The following SHANK2 variants were observed in gnomAD, a reference collection of about 807,000 sequenced individuals.
SHANK2 encodes the protein SH3 and multiple ankyrin repeat domains 2, also known as SH3 and multiple ankyrin repeat domains protein 2.
SHANK2 carries 43 observed loss-of-function variants against 133.7 expected under a neutral mutation model. That is an observed-to-expected ratio of 0.32 (90% CI 0.25 to 0.41). The LOEUF is 0.41. SHANK2 is among the 10% of genes least tolerant of loss of function. SHANK2 has a pLI of 1.00. For missense variants in SHANK2, 1,994 were observed against 2,235.8 expected, an observed-to-expected ratio of 0.89 and a Z score of 2.18; for synonymous variants, 1,017 against 952.8, an observed-to-expected ratio of 1.07 and a Z score of -1.24.
Position 70,698,681 on chromosome 11 carries a change from G to A in SHANK2, c.1853+7C>T, listed in dbSNP as rs527777983. 1.8e-5 allele frequency: 13 copies of A among 718,638 alleles called. No homozygotes were observed. The highest frequency in any genetic ancestry group is 7.0e-5 in the African/African-American group (4 of 57,410). The allele number at this position is 718,638 out of a possible 1,614,324, so 44.5% of individuals were successfully genotyped here. On this transcript the variant is annotated splice_region_variant and intron_variant, in intron 15 of 25. Coordinates refer to ENST00000601538, the MANE Select transcript of SHANK2 (RefSeq NM_012309.5). ...AGGGTCCTGGAAGAGAAAGCAGCGCGTCTTACCTGGAAGTGTCGAAGCTGT... is the reference window on the plus strand; with the variant it reads ...AGGGTCCTGGAAGAGAAAGCAGCGCATCTTACCTGGAAGTGTCGAAGCTGT...
At chr11:71,140,533 T>A (rs1444087743) in intron 3 of SHANK2, among the ~76,000 whole-genome samples, 1 of 152,210 alleles carries the variant, frequency 6.6e-6, no homozygotes, top group East Asian at 1.9e-4. Context: ...CCAGTGCCGA[T>A]GGAGGACCTC....
At chr11:71,090,263 C>CTGTGTG (rs1165771011) in intron 8 of SHANK2, among the ~76,000 whole-genome samples, 3 of 36,818 alleles carry the variant, frequency 8.1e-5, no homozygotes, top group African/African-American at 1.3e-4. Flanking sequence ...AACACAACCT[C>CTGTGTG]TGTGTGTGTG....
intron 17 of SHANK2, among the ~76,000 whole-genome samples, chr11:70,528,330 A>G (rs549386562): frequency 6.6e-6 from 1 of 152,246 alleles, no homozygotes; most frequent in East Asian, 1.9e-4. Context: ...GCAGGGATGC[A>G]GCCTCCTGGG....
chr11:70,782,998 G>C (rs1947542077), intron 14 of SHANK2, among the ~76,000 whole-genome samples: 1 of 152,130 alleles, frequency 6.6e-6, no homozygotes, highest in Non-Finnish European at 1.5e-5. Context: ...AAGTCACGAA[G>C]CTGGGGTCCC....
intron 11 of SHANK2, among the ~76,000 whole-genome samples, chr11:70,828,216 A>G (rs1948674999): frequency 1.3e-5 from 2 of 152,300 alleles, no homozygotes; most frequent in African/African-American, 4.8e-5. Context: ...TAGAAGTTCA[A>G]TGCTCCAATG....
At chr11:70,817,201 C>T (rs1948417562) in intron 12 of SHANK2, among the ~76,000 whole-genome samples, 1 of 152,188 alleles carries the variant, frequency 6.6e-6, no homozygotes, top group African/African-American at 2.4e-5. Flanking sequence ...CCACTGCTGT[C>T]CCATAGGAGG....
intron 2 of SHANK2, among the ~76,000 whole-genome samples, chr11:71,154,355 G>T (rs572699532): frequency 1.3e-5 from 2 of 152,346 alleles, no homozygotes; most frequent in East Asian, 3.9e-4. Flanking sequence ...CATAGACATA[G>T]GGCTGAGAGC....
chr11:71,129,983 G>A (rs543069948), intron 3 of SHANK2, among the ~76,000 whole-genome samples: 15 of 152,262 alleles, frequency 9.9e-5, no homozygotes, highest in East Asian at 3.9e-4. Context: ...GCTTGCAGAC[G>A]GCCACCTTCT....
At chr11:70,755,801 G>T (rs967210074) in intron 14 of SHANK2, among the ~76,000 whole-genome samples, 1 of 152,246 alleles carries the variant, frequency 6.6e-6, no homozygotes, top group Admixed American at 6.5e-5. Context: ...TTCCTGGAAC[G>T]CCGCGGCTTC....
chr11:70,697,019 T>C (rs1945407200), intron 15 of SHANK2, among the ~76,000 whole-genome samples: 1 of 152,236 alleles, frequency 6.6e-6, no homozygotes, highest in Non-Finnish European at 1.5e-5. Flanking sequence ...CACAGAAAGA[T>C]GAATACTTCG....
At chr11:70,829,801 G>C (rs1407297264) in intron 11 of SHANK2, among the ~76,000 whole-genome samples, 2 of 152,188 alleles carry the variant, frequency 1.3e-5, no homozygotes, top group East Asian at 3.9e-4. Flanking sequence ...GGCTCCATCA[G>C]TCTCATGCAC....
At chr11:70,614,710 T>C (rs1165641516) in intron 17 of SHANK2, among the ~76,000 whole-genome samples, 1 of 152,248 alleles carries the variant, frequency 6.6e-6, no homozygotes, top group Non-Finnish European at 1.5e-5. Context: ...AGTGACCAAA[T>C]AGGCCTTGGG....
At chr11:70,764,336 T>C (rs1217120632) in intron 14 of SHANK2, among the ~76,000 whole-genome samples, 1 of 145,640 alleles carries the variant, frequency 6.9e-6, no homozygotes, top group Non-Finnish European at 1.5e-5. Flanking sequence ...TCTATCCATC[T>C]ATACATTCAC....
At chr11:71,221,201 T>C (rs1954530866) in intron 2 of SHANK2, among the ~76,000 whole-genome samples, 1 of 145,262 alleles carries the variant, frequency 6.9e-6, no homozygotes. Context: ...TGAGACTCCA[T>C]CTCAAAAAAA....
chr11:70,521,458 A>C (rs2059329104), intron 17 of SHANK2, among the ~76,000 whole-genome samples: 1 of 152,132 alleles, frequency 6.6e-6, no homozygotes, highest in Non-Finnish European at 1.5e-5. Context: ...TGAAATTTTG[A>C]CTGTTTTACA....
At chr11:70,663,150 C>T (rs1944607020) in intron 15 of SHANK2, among the ~76,000 whole-genome samples, 1 of 152,170 alleles carries the variant, frequency 6.6e-6, no homozygotes, top group African/African-American at 2.4e-5. Context: ...AGGCCCCCGT[C>T]GCACAGGGGC....
intron 8 of SHANK2, among the ~76,000 whole-genome samples, chr11:71,084,406 T>C (rs1216617743): frequency 1.3e-5 from 2 of 152,146 alleles, no homozygotes; most frequent in Non-Finnish European, 2.9e-5. Flanking sequence ...TTAGGCCATG[T>C]GCACCTGGCC....
chr11:70,661,680 T>C lies in SHANK2; in HGVS notation c.1854-2A>G. The C allele has an allele frequency of 6.2e-7, 1 of 1,614,166 alleles. No individual in the cohort carries two copies. Among genetic ancestry groups the C allele is most frequent in the Non-Finnish European group, 8.5e-7 (1 of 1,180,040 alleles). On this transcript the variant is annotated splice_acceptor_variant, in intron 15 of 25. Coordinates refer to ENST00000601538, the MANE Select transcript of SHANK2 (RefSeq NM_012309.5). LOFTEE classifies it high-confidence loss of function. ...GTCTTCTCCTCAATAATGCAGTCAC[T>C]GTAGAGAGAATTCCGGGGACAGCGA...
chr11:70,565,164 T>A (rs1591586729), intron 17 of SHANK2, among the ~76,000 whole-genome samples: 1 of 152,166 alleles, frequency 6.6e-6, no homozygotes, highest in South Asian at 2.1e-4. Flanking sequence ...TAGTTCTGTA[T>A]CCTGGTCTTG....
Sources: allele counts gnomAD v4.1 joint callset (sites outside exome capture counted in the v4.1 genomes callset), GRCh38; gene constraint gnomAD v4.1.1; transcripts MANE v1.5; gene names NCBI Gene and HGNC (gene_info 2026-07-23, HGNC 2026-07-21).